LRP10: variants seen among roughly 807,000 people sequenced by gnomAD.
LRP10 encodes low-density lipoprotein receptor-related protein 10.
Under a neutral mutation model 58.5 loss-of-function variants are expected in LRP10, and 42 were observed. The observed-to-expected ratio is 0.72, with a 90% CI of 0.56 to 0.93. The LOEUF is 0.93. Ranked by LOEUF, LRP10 falls within the 40% of genes least tolerant of loss-of-function variation. LRP10 has a pLI of 0.00. For synonymous variants in LRP10, 377 were observed against 388.5 expected, an observed-to-expected ratio of 0.97 and a Z score of 0.35; for missense variants, 872 against 940.1, an observed-to-expected ratio of 0.93 and a Z score of 0.95.
Position 22,873,382 on chromosome 14 carries a change from C to T in LRP10, c.151C>T (p.Arg51Cys), listed in dbSNP as rs769334477. 9.3e-6 allele frequency: 15 copies of T among 1,613,954 alleles called. No individual in the cohort carries two copies. Among genetic ancestry groups the T allele is most frequent in the African/African-American group, 4.0e-5 (3 of 74,882 alleles). ...ACAGAGGCCCCTGGTCCGGGACAGC[C>T]GCACCTCCCCTGCCAACTGCACCTG... is the stretch of plus-strand genomic sequence containing the variant. ...TLQRPLVRDS[R>C]TSPANCTWLI... Residue 51 changes from arginine to cysteine, a missense_variant, in exon 3 of 7, where the codon CGC becomes TGC. Transcript: ENST00000359591.
chr14:22,874,455 G>A (rs917393463), intron 3 of LRP10, among the ~76,000 whole-genome samples: 1 of 152,206 alleles, frequency 6.6e-6, no homozygotes, highest in African/African-American at 2.4e-5. Context: ...CTGGAATGCA[G>A]TGCACCTCTT....
chr14:22,874,922 A>G (rs1463461392), intron 3 of LRP10, 133 bp from the exon 4 acceptor site: 2 of 513,970 alleles, frequency 3.9e-6, no homozygotes, highest in Non-Finnish European at 6.6e-6. Context: ...CTGAGTTTTC[A>G]TTTGGCCATT....
chr14:22,871,914 A>C lies in LRP10; in HGVS notation c.-390A>C. ...CGGCCCTGGGGGCTGACAGTCGGCA[A>C]AGTTTGGCCCGAAGAGGAAGTGGTC... is the stretch of plus-strand genomic sequence containing the variant. On this transcript the variant is annotated 5_prime_UTR_variant, in exon 1 of 7. Transcript: ENST00000359591. 3.4e-6 allele frequency: 1 copy of C among 297,616 alleles called. No homozygotes were observed. The allele number at this position is 297,616 out of a possible 1,614,324, so 18.4% of individuals were successfully genotyped here.
chr14:22,872,471 G>A lies in LRP10; in HGVS notation c.34+134G>A, dbSNP rs1453259095. On this transcript the variant is annotated intron_variant, in intron 1 of 6. Transcript: ENST00000359591. ...CCCTGCCGCCAGCCCCAGCACTGCCGGCCCCAACCCCCAGGAAGTCTTCAG... is the reference window on the plus strand; with the variant it reads ...CCCTGCCGCCAGCCCCAGCACTGCCAGCCCCAACCCCCAGGAAGTCTTCAG... 17 of 882,260 alleles carry A rather than the reference G, an allele frequency of 1.9e-5. No homozygotes were observed. The Admixed American group carries it at 2.7e-4, about 14-fold the overall frequency. 54.7% of individuals were successfully genotyped at this position (882,260 alleles called of 1,614,324 possible).
rs566949087 is a variant in LRP10, at chr14:22,872,675, A to C, written c.35-63A>C. 2.6e-6 allele frequency: 4 copies of C among 1,538,802 alleles called. No individual in the cohort carries two copies. The East Asian group carries it at 9.0e-5, about 35-fold the overall frequency. ...CCCGGATGGCTCCCTTGAGTTGCTC[A>C]GGTGAAGAAGAAAACTCCTAAGGAG... On this transcript the variant is annotated intron_variant, in intron 1 of 6. Transcript: ENST00000359591.
Position 22,877,531 on chromosome 14 carries a change from G to C in LRP10, c.*4G>C, listed in dbSNP as rs2040022029. 1 of 1,584,750 alleles carries C rather than the reference G, an allele frequency of 6.3e-7. No individual in the cohort carries two copies. Among genetic ancestry groups the C allele is most frequent in the South Asian group, 1.1e-5 (1 of 87,726 alleles). On this transcript the variant is annotated 3_prime_UTR_variant, in exon 7 of 7. Coordinates refer to ENST00000359591, the MANE Select transcript of LRP10 (RefSeq NM_014045.5). The surrounding 1 kb of genome is among the most constrained non-coding windows in gnomAD (Gnocchi z 5.1). ...GGATGAGCCACTGCTTACCTGAGGGGACCTGGGGGCTCTACTGAGGCCTCT... is the reference window on the plus strand; with the variant it reads ...GGATGAGCCACTGCTTACCTGAGGGCACCTGGGGGCTCTACTGAGGCCTCT...
Position 22,877,569 on chromosome 14 carries a change from C to T in LRP10, c.*42C>T, listed in dbSNP as rs1197685689. 2 of 1,435,400 alleles carry T rather than the reference C, an allele frequency of 1.4e-6. No individual in the cohort carries two copies. Among genetic ancestry groups the T allele is most frequent in the African/African-American group, 2.8e-5 (2 of 70,316 alleles). The allele number at this position is 1,435,400 out of a possible 1,614,324, so 88.9% of individuals were successfully genotyped here. ...TACTGAGGCCTCTCCCCTGGGGGCT[C>T]TACTCATAGTGGCACAACCTTTTAG... On this transcript the variant is annotated 3_prime_UTR_variant, in exon 7 of 7. Coordinates refer to ENST00000359591, the MANE Select transcript of LRP10 (RefSeq NM_014045.5). The surrounding 1 kb of genome is among the most constrained non-coding windows in gnomAD (Gnocchi z 5.1).
In LRP10 at chr14:22,877,929, A is replaced by C; in HGVS notation, c.*402A>C. On this transcript the variant is annotated 3_prime_UTR_variant, in exon 7 of 7. Coordinates refer to ENST00000359591, the MANE Select transcript of LRP10 (RefSeq NM_014045.5). The surrounding 1 kb of genome is among the most constrained non-coding windows in gnomAD (Gnocchi z 5.1). ...ATTAACTAGAGACCCTCCAGCCCCC[A>C]AGGGGAGGATTTGGGCAGAACCTGA... is the stretch of plus-strand genomic sequence containing the variant. 6.0e-6 allele frequency: 1 copy of C among 165,482 alleles called. No homozygotes were observed. The highest frequency in any genetic ancestry group is 1.3e-5 in the Non-Finnish European group (1 of 77,250). 10.3% of individuals were successfully genotyped at this position (165,482 alleles called of 1,614,324 possible).
chr14:22,874,861 T>A (rs1387158653), intron 3 of LRP10, among the ~76,000 whole-genome samples, 194 bp from the exon 4 acceptor site: 1 of 152,216 alleles, frequency 6.6e-6, no homozygotes, highest in Non-Finnish European at 1.5e-5. Context: ...CACTCCAGCC[T>A]GGGTGACAAG....
chr14:22,872,753 A>G lies in LRP10; in HGVS notation c.50A>G (p.His17Arg). Residue 17 changes from histidine to arginine, a missense_variant, in exon 2 of 7, where the codon CAT (histidine) becomes CGT (arginine). By Grantham distance (29) the His-to-Arg change is conservative. Transcript: ENST00000359591. ...LLLLLGGALA[H>R]PDRIIFPNHA... Reference sequence around the variant, plus strand: ...CCTCCTCTAGGAGGCGCTCTGGCCCATCCAGACCGGATTATTTTTCCAAAT... The same window carrying G: ...CCTCCTCTAGGAGGCGCTCTGGCCCGTCCAGACCGGATTATTTTTCCAAAT... 3 of 1,614,128 alleles carry G rather than the reference A, an allele frequency of 1.9e-6. No individual in the cohort carries two copies. Among genetic ancestry groups the G allele is most frequent in the African/African-American group, 1.3e-5 (1 of 75,048 alleles).
At chr14:22,873,999 G>A (rs543421548) in intron 3 of LRP10, among the ~76,000 whole-genome samples, 3 of 152,306 alleles carry the variant, frequency 2.0e-5, no homozygotes, top group African/African-American at 4.8e-5. Context: ...CATCTCCAAA[G>A]GACAGAGGCC....
chr14:22,873,524 TTC>T, intron 3 of LRP10, 78 bp downstream of exon 3: 3 of 1,447,996 alleles, frequency 2.1e-6, no homozygotes, highest in Non-Finnish European at 2.8e-6. Flanking sequence ...CAGGGATCAC[TTC>T]TTTTTTTTTT....
At position 22,877,628 on chromosome 14, in the gene LRP10, C is replaced by T; in HGVS notation, c.*101C>T. 2 of 877,988 alleles carry T rather than the reference C, an allele frequency of 2.3e-6. No homozygotes were observed. Among genetic ancestry groups the T allele is most frequent in the Non-Finnish European group, 3.4e-6 (2 of 596,698 alleles). 54.4% of individuals were successfully genotyped at this position (877,988 alleles called of 1,614,324 possible). A position where few individuals can be genotyped will look rare whatever the true frequency, so the allele number is the denominator to read the frequency against. ...CAGCCTCCCCTCCACCACTTCCTTC[C>T]CTGTCCCTGGATTTCAGGGACTTGG... On this transcript the variant is annotated 3_prime_UTR_variant, in exon 7 of 7. Coordinates refer to ENST00000359591, the MANE Select transcript of LRP10 (RefSeq NM_014045.5). This position sits in a 1 kb window ranked among gnomAD's most constrained non-coding sequence, Gnocchi z 5.1.
In LRP10 at chr14:22,880,076, TAAA is replaced by T. The variant is rs1168692763; in HGVS notation, c.*2551_*2553del. On this transcript the variant is annotated 3_prime_UTR_variant, in exon 7 of 7. Transcript: ENST00000359591. Reference sequence around the variant, plus strand: ...GTGAATCAGAGTCTAGAGCCTAAGATAAAAGAAGATACCAGGGCTGGGCCACGG... The same window carrying T: ...GTGAATCAGAGTCTAGAGCCTAAGATAGAAGATACCAGGGCTGGGCCACGG... 1 of 152,036 alleles carries T rather than the reference TAAA, an allele frequency of 6.6e-6. No homozygotes were observed. The highest frequency in any genetic ancestry group is 1.5e-5 in the Non-Finnish European group (1 of 68,034). 9.4% of individuals were successfully genotyped at this position (152,036 alleles called of 1,614,324 possible). A position where few individuals can be genotyped will look rare whatever the true frequency, so the allele number is the denominator to read the frequency against.
chr14:22,872,613 GC>G (rs1200472586), intron 1 of LRP10, 124 bp from the exon 2 acceptor site: 10 of 870,910 alleles, frequency 1.1e-5, no homozygotes, highest in Non-Finnish European at 1.6e-5. Context: ...GCCCTCTCCC[GC>G]CCCCCACTCC....
rs1566493556 is a variant in LRP10 at position 22,876,176 on chromosome 14, A to G, written c.1228A>G (p.Lys410Glu). Residue 410 changes from lysine to glutamate, a missense_variant, in exon 5 of 7, where the codon AAG (lysine) becomes GAG (glutamate). Physicochemically the swap from Lys to Glu is moderately conservative, Grantham distance 56. Transcript: ENST00000359591. ...QPGNFRCRDE[K>E]CVYETWVCDG... ...TGGCAATTTCCGATGCCGGGACGAG[A>G]AGTGCGTGTATGAGACGTGGGTGTG... 6.2e-7 allele frequency: 1 copy of G among 1,614,160 alleles called. No individual in the cohort carries two copies.
At chr14:22,876,415 G>A (rs1566493810) in intron 5 of LRP10, 43 bp downstream of exon 5, 1 of 1,599,992 alleles carries the variant, frequency 6.3e-7, no homozygotes, top group East Asian at 2.2e-5. Flanking sequence ...AGACCCTGAG[G>A]GTGAGGCTGG....
intron 6 of LRP10, 55 bp downstream of exon 6, chr14:22,876,873 C>G: frequency 6.3e-7 from 1 of 1,595,748 alleles, no homozygotes; most frequent in Non-Finnish European, 8.6e-7. Flanking sequence ...GCTGTGGCCC[C>G]GCCCCTGTAC....
In LRP10 at chr14:22,879,317, C is replaced by A; in HGVS notation, c.*1790C>A. 2.4e-6 allele frequency: 1 copy of A among 411,656 alleles called. No homozygotes were observed. The highest frequency in any genetic ancestry group is 2.6e-5 in the Admixed American group (1 of 39,170). The allele number at this position is 411,656 out of a possible 1,614,324, so 25.5% of individuals were successfully genotyped here. A position where few individuals can be genotyped will look rare whatever the true frequency, so the allele number is the denominator to read the frequency against. On this transcript the variant is annotated 3_prime_UTR_variant, in exon 7 of 7. Coordinates refer to ENST00000359591, the MANE Select transcript of LRP10 (RefSeq NM_014045.5). ...TTTCACTGCAGACCCTCTCCAGAGA[C>A]TGGGGAGAGGGCTCTGGAGAACCTG...
Sources: gnomAD v4.1 joint callset for allele counts (sites outside exome capture counted in the v4.1 genomes callset) on GRCh38, gnomAD v4.1.1 for gene constraint, Gnocchi (gnomAD v3.1) non-coding constraint, MANE v1.5 for transcripts, NCBI Gene and HGNC (gene_info 2026-07-23, HGNC 2026-07-21) for gene names.